SETD7: variants seen among roughly 807,000 people sequenced by gnomAD.
SETD7 encodes SET domain containing 7, histone lysine methyltransferase, also known as histone-lysine N-methyltransferase SETD7.
In SETD7, 16 loss-of-function variants were observed where a neutral mutation model predicts 41.8. The ratio of observed to expected loss-of-function variants is 0.38; its 90% CI spans 0.26 to 0.58. The LOEUF is 0.58. Among genes scored for constraint, SETD7 ranks in the 20% least tolerant of loss-of-function variants. SETD7 has a pLI of 0.64. For synonymous variants in SETD7, 163 were observed against 169.7 expected, an observed-to-expected ratio of 0.96 and a Z score of 0.31; for missense variants, 346 against 459.7, an observed-to-expected ratio of 0.75 and a Z score of 2.26.
chr4:139,555,182 CAAAAA>C lies in SETD7; in HGVS notation c.40+911_40+915del, dbSNP rs34969738. Among the ~76,000 whole-genome samples the C allele has an allele frequency of 7.3e-5, 8 of 110,286 alleles. No homozygotes were observed. The highest frequency in any genetic ancestry group is 5.7e-4 in the South Asian group (2 of 3,480). The allele number at this position is 110,286 out of a possible 152,430, so 72.4% of individuals were successfully genotyped here. ...CCCCACATCGTTTTTTCAGAACTAA[CAAAAA>C]AAAAAAAAAAAAGGTGGAGAAACTC... On this transcript the variant is annotated intron_variant, in intron 1 of 7. Transcript: ENST00000274031. The surrounding 1 kb of genome is among the most constrained non-coding windows in gnomAD (Gnocchi z 4.0).
In SETD7 at chr4:139,496,195, CTTTA is replaced by C. The variant is rs1726451400; in HGVS notation, c.*154_*157del. 2 of 493,436 alleles carry C rather than the reference CTTTA, an allele frequency of 4.1e-6. 1 individual carries two copies. Among genetic ancestry groups the C allele is most frequent in the East Asian group, 6.5e-5 (2 of 30,928 alleles). The allele number at this position is 493,436 out of a possible 1,614,324, so 30.6% of individuals were successfully genotyped here. Reference sequence around the variant, plus strand: ...AGGGTCTTTTTCCCCCCTCTGGTGACTTTATTTATTGATTTCTCTGGCACAACTT... The same window carrying C: ...AGGGTCTTTTTCCCCCCTCTGGTGACTTTATTGATTTCTCTGGCACAACTT... On this transcript the variant is annotated 3_prime_UTR_variant, in exon 8 of 8. Coordinates refer to the SETD7 transcript ENST00000506866.
Position 139,529,113 on chromosome 4 carries a change from A to G in SETD7, c.480T>C (p.Ile160=), listed in dbSNP as rs1273729826. ...DERTALYGKF[I]DGEMIEGKLA... Reference sequence around the variant, plus strand: ...GTTTGCCTTCTATCATCTCTCCATCAATAAATTTCCCATAAAGTGCGGTCC... The same window carrying G: ...GTTTGCCTTCTATCATCTCTCCATCGATAAATTTCCCATAAAGTGCGGTCC... Residue 160 remains isoleucine, a synonymous_variant, in exon 4 of 8, where the codon ATT becomes ATC. Transcript: ENST00000274031. 5.0e-6 allele frequency: 8 copies of G among 1,614,076 alleles called. No individual in the cohort carries two copies.
intron 4 of SETD7, among the ~76,000 whole-genome samples, chr4:139,525,654 T>C (rs976487873): frequency 6.6e-6 from 1 of 151,900 alleles, no homozygotes; most frequent in Non-Finnish European, 1.5e-5. Flanking sequence ...CACAGAGAAA[T>C]GGAGAAGCTG....
chr4:139,536,737 C>T (rs1423616140), intron 2 of SETD7, among the ~76,000 whole-genome samples: 1 of 151,236 alleles, frequency 6.6e-6, no homozygotes, highest in African/African-American at 2.4e-5. Context: ...GGCATGGTGG[C>T]TCATGCCTGT....
chr4:139,554,904 C>CA (rs1207135426), intron 1 of SETD7, among the ~76,000 whole-genome samples: 2 of 152,144 alleles, frequency 1.3e-5, no homozygotes, highest in Admixed American at 1.3e-4. Flanking sequence ...AGTGTCGCCA[C>CA]TTTTTTTCTT....
At chr4:139,550,349 G>T (rs1728075881) in intron 1 of SETD7, among the ~76,000 whole-genome samples, 1 of 152,186 alleles carries the variant, frequency 6.6e-6, no homozygotes, top group Non-Finnish European at 1.5e-5. Flanking sequence ...CTTTTAGATT[G>T]CTGGTTGTGA....
At chr4:139,541,247 T>C (rs2725777) in intron 2 of SETD7, among the ~76,000 whole-genome samples, 83,259 of 152,040 alleles carry the variant, frequency 0.55, 24,041 homozygotes, top group African/African-American at 0.75. Flanking sequence ...TCTGAAGAAA[T>C]ATCTCCTTCT....
rs1194272616 is a variant in SETD7 at position 139,556,129 on chromosome 4, G to C, written c.9C>G (p.Ser3Arg). 6.3e-7 allele frequency: 1 copy of C among 1,599,256 alleles called. No individual in the cohort carries two copies. The highest frequency in any genetic ancestry group is 8.5e-7 in the Non-Finnish European group (1 of 1,173,676). The part of the protein sequence containing the change: MD[S>R]DDEMVEEAVE... ...CCGCCTCCTCCACCATCTCGTCGTC[G>C]CTATCCATGGCGGCTGGGGACACTG... Residue 3 changes from serine to arginine, a missense_variant, in exon 1 of 8, where the codon AGC becomes AGG. Coordinates refer to ENST00000274031, the MANE Select transcript of SETD7 (RefSeq NM_030648.4).
Position 139,544,301 on chromosome 4 carries a change from TAAAATAAAATAAA to T in SETD7, c.170+2606_170+2618del, listed in dbSNP as rs753566772. On this transcript the variant is annotated intron_variant, in intron 2 of 7. Coordinates refer to ENST00000274031, the MANE Select transcript of SETD7 (RefSeq NM_030648.4). ...GAGTGAGAACCCATCTAAAATAAAA[TAAAATAAAATAAA>T]ATAAAATAAAATAAAATAAAAAGAA... Among the ~76,000 whole-genome samples the T allele has an allele frequency of 3.1e-3, 390 of 127,788 alleles. 1 individual carries two copies. Among genetic ancestry groups the T allele is most frequent in the Non-Finnish European group, 5.4e-3 (305 of 56,824 alleles). The allele number at this position is 127,788 out of a possible 152,430, so 83.8% of individuals were successfully genotyped here.
At chr4:139,499,116 A>T (rs897450961) in intron 7 of SETD7, among the ~76,000 whole-genome samples, 2 of 152,218 alleles carry the variant, frequency 1.3e-5, no homozygotes, top group African/African-American at 4.8e-5. Flanking sequence ...GAAGACCCCC[A>T]TTCCAGAAAG....
At chr4:139,537,529 T>C (rs1402269407) in intron 2 of SETD7, among the ~76,000 whole-genome samples, 2 of 152,226 alleles carry the variant, frequency 1.3e-5, no homozygotes, top group African/African-American at 2.4e-5. Flanking sequence ...ATGCACATTA[T>C]TCATCAGAGC....
chr4:139,511,995 C>A, intron 7 of SETD7, 152 bp from the exon 8 acceptor site: 27 of 1,398,864 alleles, frequency 1.9e-5, no homozygotes, highest in Non-Finnish European at 2.5e-5. Context: ...GCATCAGTTT[C>A]ACCCGAGAGC....
intron 7 of SETD7, among the ~76,000 whole-genome samples, chr4:139,498,976 T>G (rs1726518364): frequency 1.3e-5 from 2 of 152,146 alleles, no homozygotes; most frequent in African/African-American, 4.8e-5. Flanking sequence ...GCATGATAAT[T>G]GTTTGAACCC....
In SETD7 at chr4:139,510,688, A is replaced by G. The variant is rs1354833317; in HGVS notation, c.*975T>C. The G allele has an allele frequency of 6.6e-6, 1 of 152,280 alleles. No individual in the cohort carries two copies. The highest frequency in any genetic ancestry group is 2.4e-5 in the African/African-American group (1 of 41,428). The allele number at this position is 152,280 out of a possible 1,614,324, so 9.4% of individuals were successfully genotyped here. A position where few individuals can be genotyped will look rare whatever the true frequency, so the allele number is the denominator to read the frequency against. ...ATTTGCTGTTTGACTTTTGAATTCA[A>G]TGCACTGTGCCACAAGCCTGACCGC... On this transcript the variant is annotated 3_prime_UTR_variant, in exon 8 of 8. Coordinates refer to ENST00000274031, the MANE Select transcript of SETD7 (RefSeq NM_030648.4).
chr4:139,524,948 C>T (rs1727284449), intron 4 of SETD7, among the ~76,000 whole-genome samples: 2 of 152,130 alleles, frequency 1.3e-5, no homozygotes, highest in African/African-American at 4.8e-5. Context: ...TCCCAAGCAG[C>T]TGGGATTACA....
chr4:139,527,877 A>G (rs1461342876), intron 4 of SETD7, among the ~76,000 whole-genome samples: 1 of 152,252 alleles, frequency 6.6e-6, no homozygotes, highest in Non-Finnish European at 1.5e-5. Context: ...TTAAAAAAAC[A>G]AAAAAGACAT....
chr4:139,544,193 G>A (rs886317673), intron 2 of SETD7, among the ~76,000 whole-genome samples: 6 of 151,856 alleles, frequency 4.0e-5, no homozygotes, highest in Non-Finnish European at 5.9e-5. Flanking sequence ...TCAGGAAGCT[G>A]AGGTGGGAGG....
chr4:139,521,385 C>T (rs1727177483), intron 5 of SETD7, among the ~76,000 whole-genome samples: 1 of 151,578 alleles, frequency 6.6e-6, no homozygotes, highest in Non-Finnish European at 1.5e-5. Context: ...GAAATTGCAC[C>T]ATTGCACTCC....
intron 4 of SETD7, 46 bp downstream of exon 4, chr4:139,528,985 C>A (rs1199570206): frequency 3.3e-6 from 5 of 1,525,874 alleles, no homozygotes; most frequent in African/African-American, 2.8e-5. Context: ...GCCCTAACAA[C>A]CTGCTTTGGA....
Sources: allele counts gnomAD v4.1 joint callset (sites outside exome capture counted in the v4.1 genomes callset), GRCh38; gene constraint gnomAD v4.1.1; non-coding constraint Gnocchi (gnomAD v3.1); transcripts MANE v1.5; gene names NCBI Gene and HGNC (gene_info 2026-07-23, HGNC 2026-07-21).